The following TP53BP1 variants were observed in gnomAD, a reference collection of about 807,000 sequenced individuals.
TP53BP1 encodes the protein tumor protein p53 binding protein 1, also known as TP53-binding protein 1.
TP53BP1 carries 61 observed loss-of-function variants against 200.8 expected under a neutral mutation model. The observed-to-expected ratio is 0.30, with a 90% confidence interval of 0.25 to 0.38. The LOEUF (loss-of-function observed/expected upper bound fraction) is 0.38, where lower values mean the gene tolerates loss of function less well. Among genes scored for constraint, TP53BP1 ranks in the 10% least tolerant of loss-of-function variants. TP53BP1 has a pLI of 1.00. For missense variants in TP53BP1, 2,144 were observed against 2,371.9 expected (o/e 0.90, Z 2.00); for synonymous variants, 822 against 844.3 (o/e 0.97, Z 0.46).
At chr15:43,486,584 A>C (rs1204274660) in intron 4 of TP53BP1, among the ~76,000 whole-genome samples, 2 of 152,154 alleles carry the variant, frequency 1.3e-5, no homozygotes, top group Non-Finnish European at 2.9e-5. Context: ...AAGGGTGAGG[A>C]AGGACTCTCT....
Position 43,432,742 on chromosome 15 carries a change from T to C in TP53BP1, c.3192-65A>G, listed in dbSNP as rs527404324. On this transcript the variant is annotated intron_variant, in intron 16 of 27. Transcript: ENST00000382044. ...AAGTGTATGTGTGAACGTGTGTGTG[T>C]GCGTGTGCATGTGTGTGTGTAGTGG... is the stretch of plus-strand genomic sequence containing the variant. The C allele has an allele frequency of 8.0e-5, 120 of 1,508,218 alleles. No homozygotes were observed. In the South Asian group the frequency reaches 1.5e-3, roughly 18 times the overall value. The allele number at this position is 1,508,218 out of a possible 1,614,324, so 93.4% of individuals were successfully genotyped here.
chr15:43,472,928 CT>C (rs2046762885), intron 10 of TP53BP1, among the ~76,000 whole-genome samples: 1 of 152,266 alleles, frequency 6.6e-6, no homozygotes, highest in Non-Finnish European at 1.5e-5. Context: ...AGAGTTACAG[CT>C]CTTAAGGTGG....
In TP53BP1 at chr15:43,452,486, C is replaced by A. The variant is rs1452096210; in HGVS notation, c.2716+3406G>T. Among the ~76,000 whole-genome samples the A allele has an allele frequency of 1.3e-5, 2 of 151,906 alleles. 1 individual carries two copies. Among genetic ancestry groups the A allele is most frequent in the Non-Finnish European group, 2.9e-5 (2 of 67,988 alleles). ...GCTGAAGTGGGAGGATCACCTGAGCCCGGGAGGTCAAGGCTGCAGTGAACA... is the reference window on the plus strand; with the variant it reads ...GCTGAAGTGGGAGGATCACCTGAGCACGGGAGGTCAAGGCTGCAGTGAACA... On this transcript the variant is annotated intron_variant, in intron 12 of 27. Transcript: ENST00000382044.
At chr15:43,408,771 C>T in intron 26 of TP53BP1, 126 bp downstream of exon 26, 1 of 906,428 alleles carries the variant, frequency 1.1e-6, no homozygotes. Context: ...CATTTCAAAC[C>T]CACTCAAATT....
intron 1 of TP53BP1, among the ~76,000 whole-genome samples, chr15:43,500,277 G>A (rs1295027437): frequency 3.9e-5 from 6 of 152,116 alleles, no homozygotes; most frequent in Non-Finnish European, 8.8e-5. Flanking sequence ...CCTTCTGGTT[G>A]CTTATAACAA....
At position 43,479,505 on chromosome 15, in the gene TP53BP1, G is replaced by A. The variant is rs755758138; in HGVS notation, c.680C>T (p.Ser227Phe). The A allele has an allele frequency of 3.5e-5, 56 of 1,610,804 alleles. No homozygotes were observed. In the East Asian group the frequency reaches 1.2e-3, roughly 35 times the overall value. Residue 227 changes from serine (S) to phenylalanine (F), a missense_variant, in exon 7 of 28, where the codon TCC (serine) becomes TTC (phenylalanine). By Grantham distance (155) the Ser-to-Phe change is radical (BLOSUM62 -2). Around this residue, in one of 4 missense-constraint regions of TP53BP1, gnomAD observed 1,700 missense variants for 1,710.3 expected, o/e 0.99. Coordinates refer to ENST00000382044, the MANE Select transcript of TP53BP1 (RefSeq NM_001141980.3). Reference protein sequence around the residue: ...ANTAIKHEEQSNEDIPIAEQS... With the variant: ...ANTAIKHEEQFNEDIPIAEQS... ...TTCTGCTATGGGGATATCTTCGTTG[G>A]ACTGTTCTTCATGCTTAATTGCTGA...
chr15:43,455,223 T>C (rs939568032), intron 12 of TP53BP1, among the ~76,000 whole-genome samples: 4 of 152,160 alleles, frequency 2.6e-5, no homozygotes, highest in Non-Finnish European at 4.4e-5. Context: ...CTGAATGTGA[T>C]TTTACCACAC....
At chr15:43,472,317 T>A (rs1645577265) in intron 10 of TP53BP1, among the ~76,000 whole-genome samples, 1 of 152,170 alleles carries the variant, frequency 6.6e-6, no homozygotes, top group South Asian at 2.1e-4. Context: ...GCTCAATAAA[T>A]AAAACTATTA....
chr15:43,416,206 C>A lies in TP53BP1; in HGVS notation c.4873+19G>T. The A allele has an allele frequency of 6.2e-7, 1 of 1,604,192 alleles. No individual in the cohort carries two copies. Among genetic ancestry groups the A allele is most frequent in the East Asian group, 2.2e-5 (1 of 44,840 alleles). On this transcript the variant is annotated intron_variant, in intron 22 of 27. Coordinates refer to ENST00000382044, the MANE Select transcript of TP53BP1 (RefSeq NM_001141980.3). Reference sequence around the variant, plus strand: ...GAACAGGAGCCCAAAAGCAGCTGTTCAGGAAGCAAAAGTCTTACCTAAGCT... The same window carrying A: ...GAACAGGAGCCCAAAAGCAGCTGTTAAGGAAGCAAAAGTCTTACCTAAGCT...
At chr15:43,412,974 T>A (rs1369503657) in intron 24 of TP53BP1, 145 bp downstream of exon 24, 1 of 730,400 alleles carries the variant, frequency 1.4e-6, no homozygotes, top group East Asian at 2.7e-5. Flanking sequence ...AAAAGCAGGA[T>A]ACAGAGTAAT....
At position 43,409,045 on chromosome 15, in the gene TP53BP1, G is replaced by A. The variant is rs769912966; in HGVS notation, c.5452C>T (p.Arg1818Trp). Residue 1818 changes from arginine (R) to tryptophan (W), a missense_variant, in exon 26 of 28, where the codon CGG becomes TGG. Around this residue, in one of 4 missense-constraint regions of TP53BP1, gnomAD observed 334 missense variants for 453.4 expected, o/e 0.74. Transcript: ENST00000382044. ...LLIADQHCRT[R>W]KYFLCLASGI... ...CTGGCAAGGCACAGGAAGTACTTCC[G>A]GGTTCGACAATGCTGATCCGCAATT... 2.5e-6 allele frequency: 4 copies of A among 1,614,050 alleles called. No individual in the cohort carries two copies. Among genetic ancestry groups the A allele is most frequent in the Admixed American group, 1.7e-5 (1 of 60,006 alleles).
At chr15:43,428,353 C>T (rs1400789665) in intron 17 of TP53BP1, among the ~76,000 whole-genome samples, 185 bp from the exon 18 acceptor site, 2 of 152,066 alleles carry the variant, frequency 1.3e-5, no homozygotes, top group Non-Finnish European at 2.9e-5. Flanking sequence ...TAGCCAGAGG[C>T]TAAGAGAAGT....
At chr15:43,475,336 C>A (rs1448118758) in intron 9 of TP53BP1, among the ~76,000 whole-genome samples, 1 of 152,190 alleles carries the variant, frequency 6.6e-6, no homozygotes, top group Non-Finnish European at 1.5e-5. Flanking sequence ...ATAACTGCGC[C>A]TTTTCTTTCT....
chr15:43,500,989 A>G (rs1436847926), intron 1 of TP53BP1, among the ~76,000 whole-genome samples: 1 of 152,148 alleles, frequency 6.6e-6, no homozygotes, highest in East Asian at 1.9e-4. Context: ...AGCAGTGATC[A>G]TGCCACTGCA....
chr15:43,415,459 G>A, intron 23 of TP53BP1, 135 bp downstream of exon 23: 2 of 876,364 alleles, frequency 2.3e-6, no homozygotes, highest in Non-Finnish European at 1.9e-6. Flanking sequence ...AATATCACCT[G>A]TGGGCTTGGG....
intron 18 of TP53BP1, among the ~76,000 whole-genome samples, chr15:43,427,448 G>A (rs369430152): frequency 7.9e-5 from 12 of 152,170 alleles, no homozygotes; most frequent in African/African-American, 2.9e-4. Flanking sequence ...AGATTTATCA[G>A]TCTGTTCTTT....
chr15:43,427,226 T>G (rs2045560705), intron 18 of TP53BP1, among the ~76,000 whole-genome samples: 2 of 152,148 alleles, frequency 1.3e-5, no homozygotes, highest in South Asian at 4.1e-4. Context: ...AGCTGACATT[T>G]GTAATGAGTC....
At chr15:43,407,812 G>T in intron 27 of TP53BP1, 131 bp downstream of exon 27, 2 of 966,172 alleles carry the variant, frequency 2.1e-6, no homozygotes, top group Non-Finnish European at 3.1e-6. Context: ...TCTTGAAGGT[G>T]GTACTTTTCT....
intron 18 of TP53BP1, among the ~76,000 whole-genome samples, chr15:43,423,867 TC>T (rs2045464672): frequency 6.6e-6 from 1 of 152,182 alleles, no homozygotes; most frequent in Non-Finnish European, 1.5e-5. Context: ...GGTTCCTCTT[TC>T]TCTGTGTGTT....
Sources: allele counts gnomAD v4.1 joint callset (sites outside exome capture counted in the v4.1 genomes callset), GRCh38; gene constraint gnomAD v4.1.1; regional missense constraint gnomAD v4.1.1; transcripts MANE v1.5; gene names NCBI Gene and HGNC (gene_info 2026-07-23, HGNC 2026-07-21).